Variants in BRAF observed in about 807,000 individuals in gnomAD.
BRAF encodes B-Raf proto-oncogene, serine/threonine kinase, also known as serine/threonine-protein kinase B-raf.
BRAF carries 16 observed loss-of-function variants against 104.6 expected under a neutral mutation model. The ratio of observed to expected loss-of-function variants is 0.15; its 90% CI spans 0.10 to 0.23. The LOEUF (loss-of-function observed/expected upper bound fraction) is 0.23, where lower values mean the gene tolerates loss of function less well. BRAF is among the 10% of genes least tolerant of loss of function. The probability of loss-of-function intolerance (pLI) is 1.00; values close to 1 mark genes in which losing one functional copy is unlikely to be tolerated. For missense variants in BRAF, 541 were observed against 937.3 expected (o/e 0.58, Z 5.52); for synonymous variants, 310 against 341.6 (o/e 0.91, Z 1.02).
At chr7:140,787,879 C>T (rs751304139) in intron 8 of BRAF, among the ~76,000 whole-genome samples, 1 of 152,126 alleles carries the variant, frequency 6.6e-6, no homozygotes. Flanking sequence ...CAATCTAATG[C>T]AGGAGCAGAA....
intron 14 of BRAF, among the ~76,000 whole-genome samples, chr7:140,757,773 T>C (rs1234448197): frequency 6.6e-6 from 1 of 152,214 alleles, no homozygotes; most frequent in Non-Finnish European, 1.5e-5. Flanking sequence ...ATCGGCATGC[T>C]AATAATTCCT....
intron 5 of BRAF, 66 bp from the exon 6 acceptor site, chr7:140,801,626 C>T: frequency 6.7e-7 from 1 of 1,482,630 alleles, no homozygotes; most frequent in Non-Finnish European, 9.3e-7. Flanking sequence ...ACTGACGTAT[C>T]TACTCTCTTG....
At chr7:140,767,450 G>T (rs1197739861) in intron 14 of BRAF, among the ~76,000 whole-genome samples, 1 of 152,140 alleles carries the variant, frequency 6.6e-6, no homozygotes, top group East Asian at 1.9e-4. Flanking sequence ...TTTTACTAGT[G>T]ATAAGGCAGA....
At chr7:140,766,621 C>T (rs1448429093) in intron 14 of BRAF, among the ~76,000 whole-genome samples, 1 of 151,992 alleles carries the variant, frequency 6.6e-6, no homozygotes, top group Non-Finnish European at 1.5e-5. Context: ...TTCACTCTGT[C>T]GCCCTGGCTG....
At position 140,832,359 on chromosome 7, in the gene BRAF, G is replaced by A. The variant is rs1031104547; in HGVS notation, c.504+2250C>T. On this transcript the variant is annotated intron_variant, in intron 3 of 19. Transcript: ENST00000644969. ...TCACTACCACAAACAATTTTACTTA[G>A]AATGTGAATTATCCTGGCTGAGAAG... Among the ~76,000 whole-genome samples the A allele has an allele frequency of 3.9e-5, 6 of 152,282 alleles. No homozygotes were observed. The East Asian group carries it at 9.7e-4, about 24-fold the overall frequency.
chr7:140,906,012 C>T (rs111967004), intron 1 of BRAF, among the ~76,000 whole-genome samples: 12,502 of 132,480 alleles, frequency 0.094, 600 homozygotes, highest in South Asian at 0.18. Flanking sequence ...GGCGTGAACC[C>T]GGGAGGCGGA....
At chr7:140,891,529 T>C (rs934821986) in intron 1 of BRAF, among the ~76,000 whole-genome samples, 4 of 152,196 alleles carry the variant, frequency 2.6e-5, no homozygotes, top group Admixed American at 6.5e-5. Flanking sequence ...GTTTTCCTAA[T>C]ACTTTTGATC....
At chr7:140,901,414 G>C (rs930438578) in intron 1 of BRAF, among the ~76,000 whole-genome samples, 10 of 152,088 alleles carry the variant, frequency 6.6e-5, no homozygotes, top group Non-Finnish European at 1.3e-4. Flanking sequence ...AAAATTTGCC[G>C]AGTGGAAAAA....
At chr7:140,733,876 A>T in intron 19 of BRAF, 2 of 535,026 alleles carry the variant, frequency 3.7e-6, no homozygotes, top group Non-Finnish European at 4.8e-6. Flanking sequence ...AGACATCCTT[A>T]ATGTATTTTA....
Position 140,883,014 on chromosome 7 carries a change from G to A in BRAF, c.139-32802C>T, listed in dbSNP as rs549997882. On this transcript the variant is annotated intron_variant, in intron 1 of 19. Transcript: ENST00000644969. Reference sequence around the variant, plus strand: ...ATCTCAAAAAATAAAATAAAATAAAGTAAATAAATAAATAAATAAATAAAT... The same window carrying A: ...ATCTCAAAAAATAAAATAAAATAAAATAAATAAATAAATAAATAAATAAAT... Among the ~76,000 whole-genome samples, 18 of 148,750 alleles carry A rather than the reference G, an allele frequency of 1.2e-4. No homozygotes were observed. In the South Asian group the frequency reaches 1.3e-3, roughly 11 times the overall value.
At chr7:140,845,047 T>C (rs1215395986) in intron 2 of BRAF, among the ~76,000 whole-genome samples, 1 of 151,882 alleles carries the variant, frequency 6.6e-6, no homozygotes, top group Non-Finnish European at 1.5e-5. Flanking sequence ...CAAAACAGTA[T>C]GATGACAGCA....
chr7:140,763,183 G>C (rs989882873), intron 14 of BRAF, among the ~76,000 whole-genome samples: 1 of 152,144 alleles, frequency 6.6e-6, no homozygotes, highest in Non-Finnish European at 1.5e-5. Context: ...AGTAGGGGCG[G>C]CCGGGGAGAG....
intron 17 of BRAF, 138 bp downstream of exon 16, chr7:140,749,149 C>T: frequency 8.4e-7 from 1 of 1,194,014 alleles, no homozygotes; most frequent in South Asian, 1.4e-5. Context: ...CAAAAGTATA[C>T]AAACGATTTC....
chr7:140,799,894 AC>A, intron 7 of BRAF: 1 of 309,216 alleles, frequency 3.2e-6, no homozygotes, highest in Non-Finnish European at 6.1e-6. Flanking sequence ...CAAGGTGTAG[AC>A]TCAAAATGAT....
In BRAF at chr7:140,781,627, G is replaced by C. The variant is rs1185996698; in HGVS notation, c.1501C>G (p.Gln501Glu). ...EIPDGQITVG[Q>E]RIGSGSFGTV... The stretch of plus-strand genomic sequence containing the variant: ...CCAAATGATCCAGATCCAATTCTTT[G>C]TCCCACTGTAATCTGCCCATCAGGA... Residue 501 changes from glutamine (Q) to glutamate (E), a missense_variant, in exon 12 of 20, where the codon CAA (glutamine) becomes GAA (glutamate). Physicochemically the swap from Gln to Glu is conservative, Grantham distance 29. Coordinates refer to ENST00000644969, the MANE Select transcript of BRAF (RefSeq NM_001374258.1). 3 of 1,613,910 alleles carry C rather than the reference G, an allele frequency of 1.9e-6. No individual in the cohort carries two copies. Among genetic ancestry groups the C allele is most frequent in the Non-Finnish European group, 2.5e-6 (3 of 1,179,972 alleles).
At chr7:140,714,022 G>T in the BRAF span, among the ~76,000 whole-genome samples, 1 of 152,146 alleles carries the variant, frequency 6.6e-6, no homozygotes, top group Non-Finnish European at 1.5e-5. Flanking sequence ...GCCCGTACTG[G>T]GGGGTGCCTC....
Position 140,725,049 on chromosome 7 carries a change from T to TA in BRAF, c.*1444dup. 3 of 1,046,706 alleles carry TA rather than the reference T, an allele frequency of 2.9e-6. No homozygotes were observed. The highest frequency in any genetic ancestry group is 3.5e-6 in the Non-Finnish European group (3 of 867,556). 64.8% of individuals were successfully genotyped at this position (1,046,706 alleles called of 1,614,324 possible). ...CACCCTCCCTCAGTCCTAATATCCCTAAAATTGCTCTATTCTCTGTCTGGG... is the reference window on the plus strand; with the variant it reads ...CACCCTCCCTCAGTCCTAATATCCCTAAAAATTGCTCTATTCTCTGTCTGGG... On this transcript the variant is annotated 3_prime_UTR_variant, in exon 20 of 20. Transcript: ENST00000644969.
At chr7:140,878,438 CT>C (rs1812504050) in intron 1 of BRAF, among the ~76,000 whole-genome samples, 1 of 151,858 alleles carries the variant, frequency 6.6e-6, no homozygotes, top group Non-Finnish European at 1.5e-5. Context: ...AAATTAAAAC[CT>C]TTTGTGCAAT....
chr7:140,863,709 C>G (rs1810646512), intron 1 of BRAF, among the ~76,000 whole-genome samples: 1 of 152,128 alleles, frequency 6.6e-6, no homozygotes, highest in African/African-American at 2.4e-5. Flanking sequence ...CTCAAAAGAT[C>G]TGATTGTTTA....
Sources: gnomAD v4.1 joint callset for allele counts (sites outside exome capture counted in the v4.1 genomes callset) on GRCh38, gnomAD v4.1.1 for gene constraint, MANE v1.5 for transcripts, NCBI Gene and HGNC (gene_info 2026-07-23, HGNC 2026-07-21) for gene names.